PKHD1: variants seen among roughly 807,000 people sequenced by gnomAD.
PKHD1 encodes the protein PKHD1 ciliary IPT domain containing fibrocystin/polyductin, also known as fibrocystin.
A neutral mutation model predicts 412.0 loss-of-function variants in PKHD1; 291 were observed. The observed-to-expected ratio is 0.71, with a 90% CI of 0.64 to 0.78. The LOEUF (loss-of-function observed/expected upper bound fraction) is 0.78. PKHD1 is among the 30% of genes least tolerant of loss of function. PKHD1 has a pLI of 0.00. For synonymous variants in PKHD1, 1,777 were observed against 1,821.5 expected (o/e 0.98, Z 0.62); for missense variants, 4,825 against 4,950.7 (o/e 0.97, Z 0.76).
chr6:51,858,544 T>C (rs1345661751), intron 48 of PKHD1, among the ~76,000 whole-genome samples: 1 of 152,158 alleles, frequency 6.6e-6, no homozygotes, highest in East Asian at 1.9e-4. Context: ...CAGGGAATGA[T>C]TATAAGTGTT....
chr6:51,903,844 T>TATATATATATAA (rs1781661143), intron 42 of PKHD1, 117 bp from the exon 43 acceptor site: 2 of 378,480 alleles, frequency 5.3e-6, no homozygotes, highest in African/African-American at 4.5e-5. Context: ...TATATATATA[T>TATATATATATAA]ATATATATAT....
chr6:51,920,100 T>C (rs1784456301), intron 37 of PKHD1, among the ~76,000 whole-genome samples: 1 of 152,260 alleles, frequency 6.6e-6, no homozygotes, highest in Admixed American at 6.5e-5. Context: ...CCTCTTTTCC[T>C]AATTGAATAC....
chr6:51,993,923 A>T (rs1348392586), intron 35 of PKHD1, among the ~76,000 whole-genome samples: 1 of 152,184 alleles, frequency 6.6e-6, no homozygotes, highest in Non-Finnish European at 1.5e-5. Context: ...AAAATTTCCC[A>T]AAGTGTTCCA....
intron 45 of PKHD1, among the ~76,000 whole-genome samples, chr6:51,885,599 T>G (rs756250538): frequency 6.6e-6 from 1 of 152,176 alleles, no homozygotes; most frequent in Non-Finnish European, 1.5e-5. Flanking sequence ...ATCTTTATGA[T>G]TCTGTTGTTC....
intron 48 of PKHD1, among the ~76,000 whole-genome samples, chr6:51,867,081 T>C (rs556710298): frequency 1.3e-5 from 2 of 152,298 alleles, no homozygotes; most frequent in African/African-American, 4.8e-5. Flanking sequence ...TGAAGTTTAC[T>C]TGTTCAAGTA....
chr6:51,719,257 A>G (rs143629797), intron 60 of PKHD1, among the ~76,000 whole-genome samples: 223 of 152,160 alleles, frequency 1.5e-3, no homozygotes, highest in African/African-American at 5.1e-3. Context: ...TGCTCAGGCT[A>G]GAGTGCAGTG....
intron 56 of PKHD1, 60 bp from the exon 57 acceptor site, chr6:51,753,413 G>C: frequency 7.2e-7 from 1 of 1,394,560 alleles, no homozygotes; most frequent in Non-Finnish European, 1.0e-6. Flanking sequence ...AAAATCACTA[G>C]CTGGGGACCC....
At chr6:52,005,351 A>G (rs1381510926) in intron 35 of PKHD1, among the ~76,000 whole-genome samples, 1 of 152,182 alleles carries the variant, frequency 6.6e-6, no homozygotes, top group East Asian at 1.9e-4. Context: ...GAATCAAAGG[A>G]CCAAATGCTT....
At chr6:52,087,010 A>C (rs1812891811) in intron 1 of PKHD1, among the ~76,000 whole-genome samples, 1 of 152,184 alleles carries the variant, frequency 6.6e-6, no homozygotes. Context: ...GCCTACTCCC[A>C]AGCTCAGAAC....
chr6:51,912,549 C>T lies in PKHD1; in HGVS notation c.6149G>A (p.Cys2050Tyr). The change falls in exon 38 of 67, where the codon TGT (cysteine) becomes TAT (tyrosine). Residue 2050 changes from cysteine (C) to tyrosine (Y), a missense_variant. Physicochemically the swap from Cys to Tyr is radical, Grantham distance 194. Coordinates refer to ENST00000371117, the MANE Select transcript of PKHD1 (RefSeq NM_138694.4). ...TAGGGCATGGGCAGTTGCTCTAAGA[C>T]AGGTGACAATTACTTCTGGTAGTGA... is the stretch of plus-strand genomic sequence containing the variant. ...HGSLPEVIVT[C>Y]LRATAHALDT... 2 of 1,612,938 alleles carry T rather than the reference C, an allele frequency of 1.2e-6. No homozygotes were observed. The highest frequency in any genetic ancestry group is 1.7e-6 in the Non-Finnish European group (2 of 1,179,198).
intron 34 of PKHD1, among the ~76,000 whole-genome samples, chr6:52,016,189 AG>A (rs1211112873): frequency 8.5e-5 from 13 of 152,302 alleles, no homozygotes; most frequent in African/African-American, 2.9e-4. Context: ...CCAGCCAAGG[AG>A]GTTCCTCTTT....
intron 48 of PKHD1, 123 bp from the exon 49 acceptor site, chr6:51,856,193 C>T (rs1583056133): frequency 1.4e-6 from 1 of 738,244 alleles, no homozygotes; most frequent in East Asian, 2.6e-5. Flanking sequence ...GTCTTAGGCC[C>T]TCTTTAGTTG....
At chr6:51,870,787 C>A in intron 46 of PKHD1, 148 bp from the exon 47 acceptor site, 1 of 637,232 alleles carries the variant, frequency 1.6e-6, no homozygotes, top group East Asian at 2.7e-5. Context: ...TGACAAAGGA[C>A]CTATATCCAG....
At chr6:51,805,067 A>G (rs1763556338) in intron 52 of PKHD1, among the ~76,000 whole-genome samples, 1 of 152,210 alleles carries the variant, frequency 6.6e-6, no homozygotes, top group South Asian at 2.1e-4. Flanking sequence ...CTACCAAAAG[A>G]CACATGCACT....
chr6:51,748,616 C>A lies in PKHD1; in HGVS notation c.9000G>T (p.Leu3000Phe). 6.2e-7 allele frequency: 1 copy of A among 1,613,724 alleles called. No homozygotes were observed. The highest frequency in any genetic ancestry group is 8.5e-7 in the Non-Finnish European group (1 of 1,179,712). ...NVEIQNFGSP[L>F]YSSVEFSNVS... ...CATTACTGAATTCAACAGATGAGTA[C>A]AATGGTGACCCGAAGTTCTGAATTT... is the stretch of plus-strand genomic sequence containing the variant. Residue 3000 changes from leucine (L) to phenylalanine (F), a missense_variant, in exon 58 of 67, where the codon TTG (leucine) becomes TTT (phenylalanine). Physicochemically the swap from Leu to Phe is conservative, Grantham distance 22. Transcript: ENST00000371117.
In PKHD1 at chr6:52,071,029, C is replaced by A; in HGVS notation, c.644G>T (p.Cys215Phe). ...ACCGATGTAGTCGCCTTCCACATGGCACTGCAGAGTCCCAAGACCATGGTC... is the reference window on the plus strand; with the variant it reads ...ACCGATGTAGTCGCCTTCCACATGGAACTGCAGAGTCCCAAGACCATGGTC... ...QEDHGLGTLQ[C>F]HVEGDYIGSQ... Residue 215 changes from cysteine to phenylalanine, a missense_variant, in exon 9 of 67, where the codon TGC becomes TTC. By Grantham distance (205) the Cys-to-Phe change is radical. Transcript: ENST00000371117. The A allele has an allele frequency of 6.2e-7, 1 of 1,605,686 alleles. No individual in the cohort carries two copies. Among genetic ancestry groups the A allele is most frequent in the Non-Finnish European group, 8.5e-7 (1 of 1,172,526 alleles).
intron 22 of PKHD1, among the ~76,000 whole-genome samples, chr6:52,049,027 T>C (rs1806325040): frequency 6.6e-6 from 1 of 152,178 alleles, no homozygotes; most frequent in African/African-American, 2.4e-5. Context: ...CAGCATGCTG[T>C]AGGTACGAGA....
chr6:51,999,710 T>A (rs1798129628), intron 35 of PKHD1, among the ~76,000 whole-genome samples: 1 of 152,236 alleles, frequency 6.6e-6, no homozygotes, highest in Admixed American at 6.5e-5. Context: ...ATCTCAAGGC[T>A]GAGATGATTA....
intron 60 of PKHD1, among the ~76,000 whole-genome samples, chr6:51,678,221 T>C (rs1776149022): frequency 6.6e-6 from 1 of 152,176 alleles, no homozygotes; most frequent in Admixed American, 6.6e-5. Context: ...ACAGACAAGT[T>C]ACTTATCCTC....
Sources: allele counts gnomAD v4.1 joint callset (sites outside exome capture counted in the v4.1 genomes callset), GRCh38; gene constraint gnomAD v4.1.1; transcripts MANE v1.5; gene names NCBI Gene and HGNC (gene_info 2026-07-23, HGNC 2026-07-21).